The following CACNA2D3 variants were observed in gnomAD, a reference collection of about 807,000 sequenced individuals.
The protein encoded by CACNA2D3 is calcium voltage-gated channel auxiliary subunit alpha2delta 3.
Under a neutral mutation model 160.6 loss-of-function variants are expected in CACNA2D3, and 60 were observed. The ratio of observed to expected loss-of-function variants is 0.37; its 90% CI spans 0.30 to 0.46. The LOEUF (loss-of-function observed/expected upper bound fraction) is 0.46, where lower values mean the gene tolerates loss of function less well. Among genes scored for constraint, CACNA2D3 ranks in the 20% least tolerant of loss-of-function variants. The pLI, the probability that CACNA2D3 is intolerant of heterozygous loss-of-function variation, is 1.00. For synonymous variants in CACNA2D3, 558 were observed against 492.9 expected (o/e 1.13, Z -1.75); for missense variants, 1,205 against 1,365.0 (o/e 0.88, Z 1.85).
At chr3:54,574,477 T>G (rs1162389112) in intron 8 of CACNA2D3, among the ~76,000 whole-genome samples, 2 of 152,218 alleles carry the variant, frequency 1.3e-5, no homozygotes, top group Non-Finnish European at 2.9e-5. Flanking sequence ...AAAATTGTTT[T>G]AGCTCTCATG....
intron 12 of CACNA2D3, among the ~76,000 whole-genome samples, chr3:54,753,797 T>C (rs1389213480): frequency 6.6e-6 from 1 of 152,216 alleles, no homozygotes; most frequent in Non-Finnish European, 1.5e-5. Context: ...TGTTTTGAAG[T>C]ATGTGTACAT....
intron 11 of CACNA2D3, among the ~76,000 whole-genome samples, chr3:54,684,739 T>A (rs1403617283): frequency 8.8e-6 from 1 of 113,190 alleles, no homozygotes; most frequent in Non-Finnish European, 2.0e-5. Flanking sequence ...AAACCATTAT[T>A]AAACGTTTGT....
chr3:54,816,848 T>C lies in CACNA2D3; in HGVS notation c.1381-5T>C, dbSNP rs1164208113. 3.7e-6 allele frequency: 6 copies of C among 1,613,602 alleles called. No homozygotes were observed. The highest frequency in any genetic ancestry group is 5.1e-6 in the Non-Finnish European group (6 of 1,179,810). On this transcript the variant is annotated splice_polypyrimidine_tract_variant and splice_region_variant and intron_variant, in intron 13 of 37. Coordinates refer to ENST00000474759, the MANE Select transcript of CACNA2D3 (RefSeq NM_018398.3). ...TTTTTGTTTTGTTTTGTTTTCCCCC[T>C]TCAGCTCCCTCAGGCACAAAAGGTA...
intron 4 of CACNA2D3, among the ~76,000 whole-genome samples, chr3:54,452,558 C>G (rs1052282585): frequency 6.6e-6 from 1 of 152,174 alleles, no homozygotes; most frequent in African/African-American, 2.4e-5. Flanking sequence ...GCAACCTAGG[C>G]TTTTTCTGTC....
intron 14 of CACNA2D3, among the ~76,000 whole-genome samples, chr3:54,825,358 A>G (rs937791085): frequency 3.9e-5 from 6 of 152,236 alleles, no homozygotes; most frequent in Non-Finnish European, 2.9e-5. Context: ...TATCACCAGT[A>G]TTTAGCCTGG....
chr3:54,968,027 C>A (rs142528700), intron 27 of CACNA2D3, among the ~76,000 whole-genome samples: 2 of 152,144 alleles, frequency 1.3e-5, no homozygotes, highest in Non-Finnish European at 2.9e-5. Flanking sequence ...TCAAATGTTA[C>A]GTCTCAAAAA....
intron 11 of CACNA2D3, among the ~76,000 whole-genome samples, chr3:54,653,892 C>G (rs1018346137): frequency 1.3e-5 from 2 of 152,166 alleles, no homozygotes; most frequent in Non-Finnish European, 2.9e-5. Flanking sequence ...CTCCACCATC[C>G]TCTAGTAAAT....
At chr3:54,681,676 A>T (rs959015846) in intron 11 of CACNA2D3, among the ~76,000 whole-genome samples, 1 of 151,954 alleles carries the variant, frequency 6.6e-6, no homozygotes, top group Non-Finnish European at 1.5e-5. Flanking sequence ...TGTCTATGTG[A>T]TGCAAGTTTT....
intron 17 of CACNA2D3, among the ~76,000 whole-genome samples, chr3:54,869,722 G>A (rs1172021280): frequency 3.3e-5 from 5 of 152,028 alleles, no homozygotes; most frequent in Admixed American, 1.3e-4. Flanking sequence ...TCCCTGCCCC[G>A]CACTCCTCCA....
intron 5 of CACNA2D3, among the ~76,000 whole-genome samples, chr3:54,528,615 A>G (rs138221419): frequency 6.6e-6 from 1 of 151,980 alleles, no homozygotes. Context: ...AACCTTACTT[A>G]TTTCTTTTTT....
intron 6 of CACNA2D3, among the ~76,000 whole-genome samples, chr3:54,564,142 C>A (rs60614684): frequency 6.6e-6 from 1 of 152,160 alleles, no homozygotes; most frequent in Admixed American, 6.5e-5. Flanking sequence ...GCTTGGGAAG[C>A]CCCTGGGTAG....
chr3:54,623,700 C>T (rs748344508), intron 9 of CACNA2D3, among the ~76,000 whole-genome samples: 1 of 152,092 alleles, frequency 6.6e-6, no homozygotes, highest in South Asian at 2.1e-4. Flanking sequence ...GCAATGATGG[C>T]GATGTTCATT....
chr3:54,724,239 C>T (rs1043882262), intron 11 of CACNA2D3, among the ~76,000 whole-genome samples: 2 of 152,120 alleles, frequency 1.3e-5, no homozygotes, highest in Admixed American at 6.5e-5. Flanking sequence ...ATATATACAC[C>T]CAATACAGGA....
chr3:54,261,408 C>T (rs552877216), intron 2 of CACNA2D3, among the ~76,000 whole-genome samples: 1 of 152,350 alleles, frequency 6.6e-6, no homozygotes, highest in East Asian at 1.9e-4. Flanking sequence ...TCTTCTTCCT[C>T]TACCAGACCC....
chr3:54,636,508 G>C (rs1420215594), intron 10 of CACNA2D3, among the ~76,000 whole-genome samples: 1 of 152,010 alleles, frequency 6.6e-6, no homozygotes, highest in Non-Finnish European at 1.5e-5. Context: ...GAAATGTAGA[G>C]AGTGAGTTGA....
intron 4 of CACNA2D3, among the ~76,000 whole-genome samples, chr3:54,494,447 G>C (rs983660376): frequency 6.6e-6 from 1 of 152,164 alleles, no homozygotes; most frequent in Non-Finnish European, 1.5e-5. Flanking sequence ...GGGCAGCGCA[G>C]ATTATTCAAT....
intron 17 of CACNA2D3, among the ~76,000 whole-genome samples, chr3:54,848,564 C>G (rs915555717): frequency 5.3e-5 from 8 of 152,218 alleles, no homozygotes; most frequent in African/African-American, 1.9e-4. Context: ...CTGAGGCCAT[C>G]AGATACTTAG....
At chr3:54,632,580 A>T (rs906848137) in intron 10 of CACNA2D3, 5 of 152,190 alleles carry the variant, frequency 3.3e-5, no homozygotes, top group Admixed American at 3.3e-4. Flanking sequence ...CCAGAGTTGG[A>T]AGGACAATGT....
chr3:54,434,531 A>T (rs969105526), intron 4 of CACNA2D3, among the ~76,000 whole-genome samples: 2 of 151,986 alleles, frequency 1.3e-5, no homozygotes, highest in African/African-American at 4.8e-5. Context: ...CAGTTAACTA[A>T]CCTCCCCAAG....
Sources: gnomAD v4.1 joint callset for allele counts (sites outside exome capture counted in the v4.1 genomes callset) on GRCh38, gnomAD v4.1.1 for gene constraint, MANE v1.5 for transcripts, NCBI Gene and HGNC (gene_info 2026-07-23, HGNC 2026-07-21) for gene names.